The following ZNF516 variants were observed in gnomAD, a reference collection of about 807,000 sequenced individuals.
ZNF516 encodes the protein zinc finger protein 516.
A neutral mutation model predicts 79.7 loss-of-function variants in ZNF516; 19 were observed. The ratio of observed to expected loss-of-function variants is 0.24; its 90% CI spans 0.17 to 0.35. The LOEUF (loss-of-function observed/expected upper bound fraction) is 0.35. ZNF516 is among the 10% of genes least tolerant of loss of function. The pLI is 1.00. For synonymous variants in ZNF516, 877 were observed against 739.5 expected, an observed-to-expected ratio of 1.19 and a Z score of -3.02; for missense variants, 1,678 against 1,679.5, an observed-to-expected ratio of 1.00 and a Z score of 0.02.
At position 76,441,734 on chromosome 18, in the gene ZNF516, C is replaced by T. The variant is rs1339515771; in HGVS notation, c.1321G>A (p.Glu441Lys). Residue 441 changes from glutamate to lysine, a missense_variant, in exon 3 of 7, where the codon GAG becomes AAG. This residue lies in a region of ZNF516 where 1,294 missense variants were observed against 1,248.3 expected (regional missense o/e 1.04). Coordinates refer to ENST00000443185, the MANE Select transcript of ZNF516 (RefSeq NM_014643.4). ...AEYLKYGAWD[E>K]ALAGDVAFDK... ...AAGGCCACGTCCCCGGCCAGCGCCT[C>T]GTCCCAGGCCCCGTACTTGAGGTAC... is the stretch of plus-strand genomic sequence containing the variant. 1.9e-6 allele frequency: 3 copies of T among 1,572,416 alleles called. No homozygotes were observed. Among genetic ancestry groups the T allele is most frequent in the Admixed American group, 1.8e-5 (1 of 56,254 alleles).
Position 76,360,747 on chromosome 18 carries a change from C to T in ZNF516, c.*1751G>A, listed in dbSNP as rs565082851. On this transcript the variant is annotated 3_prime_UTR_variant, in exon 7 of 7. Transcript: ENST00000443185. ...AACCTGAACCGTCAAGTAATTTAAA[C>T]TCAGTAACAAGTAGAATCCAGAACC... The T allele has an allele frequency of 7.2e-6, 1 of 138,966 alleles. No homozygotes were observed. Among genetic ancestry groups the T allele is most frequent in the South Asian group, 2.3e-4 (1 of 4,408 alleles). The allele number at this position is 138,966 out of a possible 1,614,324, so 8.6% of individuals were successfully genotyped here. A position where few individuals can be genotyped will look rare whatever the true frequency, so the allele number is the denominator to read the frequency against.
intron 3 of ZNF516, among the ~76,000 whole-genome samples, chr18:76,406,205 A>G (rs1167998657): frequency 6.6e-6 from 1 of 152,160 alleles, no homozygotes; most frequent in Non-Finnish European, 1.5e-5. Flanking sequence ...CTTCACCACC[A>G]GGTGGCGCCT....
At chr18:76,390,578 C>A (rs1355673744) in intron 3 of ZNF516, among the ~76,000 whole-genome samples, 1 of 152,192 alleles carries the variant, frequency 6.6e-6, no homozygotes, top group African/African-American at 2.4e-5. Flanking sequence ...CTTGGGTCGA[C>A]GGCCAAGCAG....
chr18:76,492,423 G>C lies in ZNF516; in HGVS notation c.-272+2721C>G, dbSNP rs968603843. ...GGGTCAGACGCAGCCAGGGCGCAGC[G>C]TTCAGGAGGCGGGTGGGCAGCCGAA... On this transcript the variant is annotated intron_variant, in intron 1 of 6. Coordinates refer to ENST00000443185, the MANE Select transcript of ZNF516 (RefSeq NM_014643.4). 16 of 958,076 alleles carry C rather than the reference G, an allele frequency of 1.7e-5. No homozygotes were observed. In the African/African-American group the frequency reaches 2.3e-4, roughly 14 times the overall value. 59.3% of individuals were successfully genotyped at this position (958,076 alleles called of 1,614,324 possible). A position where few individuals can be genotyped will look rare whatever the true frequency, so the allele number is the denominator to read the frequency against.
intron 3 of ZNF516, among the ~76,000 whole-genome samples, chr18:76,390,386 G>T (rs925079586): frequency 2.0e-5 from 3 of 152,218 alleles, no homozygotes; most frequent in African/African-American, 4.8e-5. Flanking sequence ...CTGTGTCAGG[G>T]TTTACACCAG....
At chr18:76,381,278 A>G (rs1351004980) in intron 3 of ZNF516, among the ~76,000 whole-genome samples, 2 of 152,190 alleles carry the variant, frequency 1.3e-5, no homozygotes, top group Non-Finnish European at 2.9e-5. Context: ...TATGTTTTGC[A>G]TTTACGGCCT....
chr18:76,487,913 C>A, intron 1 of ZNF516: 1 of 985,242 alleles, frequency 1.0e-6, no homozygotes, highest in Non-Finnish European at 1.2e-6. Flanking sequence ...GGATGAGAGC[C>A]CCCAGGAGGG....
rs71361202 is a variant in ZNF516 at position 76,452,284 on chromosome 18, C to A, written c.-157-9073G>T. ...TTTATTCTAGAGGTAAGTCTCCAGCCGGCTTTGTTCAGAAAACGAGGTAGA... is the reference window on the plus strand; with the variant it reads ...TTTATTCTAGAGGTAAGTCTCCAGCAGGCTTTGTTCAGAAAACGAGGTAGA... On this transcript the variant is annotated intron_variant, in intron 2 of 6. Coordinates refer to ENST00000443185, the MANE Select transcript of ZNF516 (RefSeq NM_014643.4). 2.1e-3 allele frequency among the ~76,000 whole-genome samples: 322 copies of A among 152,282 alleles called. 2 individuals carry two copies. The highest frequency in any genetic ancestry group is 3.9e-3 in the Non-Finnish European group (263 of 68,034).
chr18:76,468,584 T>A (rs955248477), intron 1 of ZNF516, among the ~76,000 whole-genome samples: 7 of 151,890 alleles, frequency 4.6e-5, no homozygotes, highest in Non-Finnish European at 8.8e-5. Flanking sequence ...ACTCAGCTAA[T>A]TTTTTTTCTA....
Position 76,447,009 on chromosome 18 carries a change from C to T in ZNF516, c.-157-3798G>A, listed in dbSNP as rs1912091512. 2.0e-5 allele frequency among the ~76,000 whole-genome samples: 3 copies of T among 152,188 alleles called. No homozygotes were observed. In the South Asian group the frequency reaches 6.2e-4, roughly 32 times the overall value. On this transcript the variant is annotated intron_variant, in intron 2 of 6. Coordinates refer to ENST00000443185, the MANE Select transcript of ZNF516 (RefSeq NM_014643.4). Reference sequence around the variant, plus strand: ...GATTAAGTGATCCCCTCCTGATGTCCACAGTTGACTAGCAAAGTTTCTCAA... The same window carrying T: ...GATTAAGTGATCCCCTCCTGATGTCTACAGTTGACTAGCAAAGTTTCTCAA...
At chr18:76,394,856 C>A (rs938581730) in intron 3 of ZNF516, among the ~76,000 whole-genome samples, 1 of 151,646 alleles carries the variant, frequency 6.6e-6, no homozygotes, top group African/African-American at 2.4e-5. Flanking sequence ...GGTGGGAAGG[C>A]AGGTCAGAAC....
At chr18:76,383,243 G>C (rs1187030991) in intron 3 of ZNF516, among the ~76,000 whole-genome samples, 1 of 152,132 alleles carries the variant, frequency 6.6e-6, no homozygotes, top group African/African-American at 2.4e-5. Context: ...CTGATGAGCA[G>C]AAAGACTGAA....
At chr18:76,494,355 T>C (rs1261994051) in intron 1 of ZNF516, among the ~76,000 whole-genome samples, 3 of 147,714 alleles carry the variant, frequency 2.0e-5, no homozygotes, top group Admixed American at 2.0e-4. Flanking sequence ...ACACCCGGGT[T>C]CATCTCGCCA....
chr18:76,493,241 T>G lies in ZNF516; in HGVS notation c.-272+1903A>C. The G allele has an allele frequency of 1.3e-5, 12 of 912,456 alleles. No individual in the cohort carries two copies. The highest frequency in any genetic ancestry group is 1.2e-4 in the East Asian group (1 of 8,242). 56.5% of individuals were successfully genotyped at this position (912,456 alleles called of 1,614,324 possible). ...ATATCCATTTAAATATATTTTGTAC[T>G]TCCACAAAGGATGGAAAGGGAAATT... is the stretch of plus-strand genomic sequence containing the variant. On this transcript the variant is annotated intron_variant, in intron 1 of 6. Coordinates refer to ENST00000443185, the MANE Select transcript of ZNF516 (RefSeq NM_014643.4). This position sits in a 1 kb window ranked among gnomAD's most constrained non-coding sequence, Gnocchi z 5.2.
intron 6 of ZNF516, among the ~76,000 whole-genome samples, chr18:76,367,841 T>A (rs689635): frequency 6.6e-6 from 1 of 152,210 alleles, no homozygotes. Context: ...TAAATTATTA[T>A]AAAATGGAAT....
intron 3 of ZNF516, among the ~76,000 whole-genome samples, chr18:76,400,223 C>G (rs2145207387): frequency 6.6e-6 from 1 of 152,320 alleles, no homozygotes; most frequent in South Asian, 2.1e-4. Flanking sequence ...AGACAACCCC[C>G]AGGTCTGAGC....
intron 4 of ZNF516, among the ~76,000 whole-genome samples, chr18:76,374,059 C>T (rs1000551964): frequency 1.3e-5 from 2 of 152,190 alleles, no homozygotes; most frequent in African/African-American, 2.4e-5. Context: ...TGGTGCTGTG[C>T]TATCCATAGA....
chr18:76,410,497 G>A (rs1003463201), intron 3 of ZNF516, among the ~76,000 whole-genome samples: 15 of 152,128 alleles, frequency 9.9e-5, no homozygotes, highest in Non-Finnish European at 5.9e-5. Context: ...CGAAGCTCGC[G>A]CAGTGGTTCC....
chr18:76,440,042 A>G (rs1357975732), intron 3 of ZNF516, among the ~76,000 whole-genome samples: 1 of 152,250 alleles, frequency 6.6e-6, no homozygotes, highest in Non-Finnish European at 1.5e-5. Context: ...CAATGACTAA[A>G]ACGCGAAGTT....
Sources: allele counts gnomAD v4.1 joint callset (sites outside exome capture counted in the v4.1 genomes callset), GRCh38; gene constraint gnomAD v4.1.1; regional missense constraint gnomAD v4.1.1; non-coding constraint Gnocchi (gnomAD v3.1); transcripts MANE v1.5; gene names NCBI Gene and HGNC (gene_info 2026-07-23, HGNC 2026-07-21).